Variants in SNTG1 observed in about 807,000 individuals in gnomAD.
SNTG1 encodes the protein gamma-1-syntrophin.
A neutral mutation model predicts 74.7 loss-of-function variants in SNTG1; 39 were observed. That is an observed-to-expected ratio of 0.52 (90% CI 0.40 to 0.68). SNTG1 has a LOEUF of 0.68. Among genes scored for constraint, SNTG1 ranks in the 30% least tolerant of loss-of-function variants. The pLI is 0.00. For missense variants in SNTG1, 685 were observed against 609.5 expected, an observed-to-expected ratio of 1.12 and a Z score of -1.30; for synonymous variants, 254 against 217.1, an observed-to-expected ratio of 1.17 and a Z score of -1.49.
At position 50,717,940 on chromosome 8, in the gene SNTG1, G is replaced by GT. The variant is rs1378602665; in HGVS notation, c.1284+8963dup. ...ATGTCGAAGGGGCACTGTGTTTTCT[G>GT]TAAGTCTTGATCAACCAGTCAGCAG... On this transcript the variant is annotated intron_variant, in intron 17 of 18. Coordinates refer to ENST00000642720, the MANE Select transcript of SNTG1 (RefSeq NM_018967.5). 2.0e-5 allele frequency among the ~76,000 whole-genome samples: 3 copies of GT among 152,166 alleles called. 1 individual carries two copies. Among genetic ancestry groups the GT allele is most frequent in the Non-Finnish European group, 1.5e-5 (1 of 68,038 alleles).
At chr8:50,296,270 C>T (rs986075521) in intron 2 of SNTG1, among the ~76,000 whole-genome samples, 2 of 152,102 alleles carry the variant, frequency 1.3e-5, no homozygotes, top group African/African-American at 4.8e-5. Context: ...TGGGAATATA[C>T]CCAAAGGAAT....
At chr8:49,938,597 C>CTTTTCTTTTTTCTTTTCTTTT (rs1554524893) in intron 1 of SNTG1, among the ~76,000 whole-genome samples, 9 of 32,510 alleles carry the variant, frequency 2.8e-4, no homozygotes, top group African/African-American at 8.4e-4. Context: ...CTTTTCTTTT[C>CTTTTCTTTTTTCTTTTCTTTT]TTTTCTTTTC....
At chr8:50,078,013 G>A (rs148494175) in intron 1 of SNTG1, among the ~76,000 whole-genome samples, 165 of 152,118 alleles carry the variant, frequency 1.1e-3, no homozygotes, top group Non-Finnish European at 1.8e-3. Flanking sequence ...TACATATATG[G>A]ATATAGATAT....
intron 15 of SNTG1, among the ~76,000 whole-genome samples, chr8:50,669,105 C>A (rs1315977846): frequency 6.6e-6 from 1 of 151,808 alleles, no homozygotes; most frequent in Non-Finnish European, 1.5e-5. Flanking sequence ...AAAATTGACA[C>A]CCTAACATCA....
At chr8:50,542,578 A>G (rs920905872) in intron 11 of SNTG1, among the ~76,000 whole-genome samples, 3 of 152,154 alleles carry the variant, frequency 2.0e-5, no homozygotes, top group Non-Finnish European at 1.5e-5. Flanking sequence ...TTTTCAATAT[A>G]TTGATTTCCT....
chr8:50,195,932 G>GC (rs1442651388), intron 2 of SNTG1, among the ~76,000 whole-genome samples: 2 of 152,118 alleles, frequency 1.3e-5, no homozygotes, highest in Non-Finnish European at 2.9e-5. Context: ...AACTAGTCCT[G>GC]CCTCCGGTCC....
chr8:50,032,788 A>C (rs182381104), intron 1 of SNTG1, among the ~76,000 whole-genome samples: 372 of 152,270 alleles, frequency 2.4e-3, no homozygotes, highest in Non-Finnish European at 4.0e-3. Flanking sequence ...AACACTATAC[A>C]TATATTTTTT....
chr8:50,312,944 T>C (rs568613319), intron 2 of SNTG1, among the ~76,000 whole-genome samples: 4 of 150,002 alleles, frequency 2.7e-5, no homozygotes, highest in Non-Finnish European at 4.4e-5. Context: ...CCTATGTTTG[T>C]GGATTGGGAG....
intron 1 of SNTG1, among the ~76,000 whole-genome samples, chr8:50,044,873 G>T (rs1818945507): frequency 6.6e-6 from 1 of 152,152 alleles, no homozygotes; most frequent in Non-Finnish European, 1.5e-5. Context: ...ATGGTTATAA[G>T]GAAATTTTCA....
At chr8:50,212,699 C>T (rs1054914551) in intron 2 of SNTG1, among the ~76,000 whole-genome samples, 23 of 152,154 alleles carry the variant, frequency 1.5e-4, no homozygotes, top group African/African-American at 5.1e-4. Flanking sequence ...TCACCAAAGC[C>T]ATGTCTATAT....
chr8:50,260,840 A>G (rs891634042), intron 2 of SNTG1, among the ~76,000 whole-genome samples: 4 of 152,102 alleles, frequency 2.6e-5, no homozygotes, highest in Non-Finnish European at 5.9e-5. Context: ...AGGAGAATGA[A>G]CATGATTGAA....
intron 13 of SNTG1, among the ~76,000 whole-genome samples, chr8:50,637,684 A>C (rs1211159188): frequency 6.6e-6 from 1 of 152,142 alleles, no homozygotes; most frequent in Non-Finnish European, 1.5e-5. Context: ...TGATGAAGGA[A>C]AGATAGGTTA....
chr8:50,151,290 ATTC>A (rs1401160956), intron 1 of SNTG1, among the ~76,000 whole-genome samples: 1 of 151,610 alleles, frequency 6.6e-6, no homozygotes, highest in African/African-American at 2.4e-5. Context: ...GGTTTATTTT[ATTC>A]TTCTTTCATT....
chr8:50,396,289 A>T (rs1370600058), intron 3 of SNTG1, among the ~76,000 whole-genome samples: 1 of 152,224 alleles, frequency 6.6e-6, no homozygotes, highest in Non-Finnish European at 1.5e-5. Flanking sequence ...ATGCCAAAAG[A>T]CAATAGTGAT....
intron 2 of SNTG1, among the ~76,000 whole-genome samples, chr8:50,321,090 G>T (rs2130812021): frequency 6.6e-6 from 1 of 152,136 alleles, no homozygotes; most frequent in East Asian, 1.9e-4. Flanking sequence ...TTTCTTTGCT[G>T]ACTTTCTGTC....
At chr8:49,947,168 G>A (rs6472839) in intron 1 of SNTG1, among the ~76,000 whole-genome samples, 17,965 of 151,994 alleles carry the variant, frequency 0.12, 1,586 homozygotes, top group African/African-American at 0.24. Flanking sequence ...AGGCATGGCG[G>A]CACATGCTTG....
At chr8:50,056,815 G>GGATTGCT (rs1454188974) in intron 1 of SNTG1, among the ~76,000 whole-genome samples, 1 of 152,056 alleles carries the variant, frequency 6.6e-6, no homozygotes, top group African/African-American at 2.4e-5. Context: ...AGGCAATTGG[G>GGATTGCT]GATTGCTGGA....
chr8:50,310,456 A>G (rs1474759708), intron 2 of SNTG1, among the ~76,000 whole-genome samples: 2 of 152,166 alleles, frequency 1.3e-5, no homozygotes, highest in African/African-American at 4.8e-5. Flanking sequence ...TGGGAGGTCA[A>G]GGTGGATGGG....
chr8:50,371,772 C>T (rs1239086018), intron 2 of SNTG1, among the ~76,000 whole-genome samples: 1 of 152,106 alleles, frequency 6.6e-6, no homozygotes, highest in Non-Finnish European at 1.5e-5. Context: ...TGAATTGACC[C>T]TTTTATCGTT....
Sources: gnomAD v4.1 joint callset for allele counts (sites outside exome capture counted in the v4.1 genomes callset) on GRCh38, gnomAD v4.1.1 for gene constraint, MANE v1.5 for transcripts, NCBI Gene and HGNC (gene_info 2026-07-23, HGNC 2026-07-21) for gene names.